The following PTH2R variants were observed in gnomAD, a reference collection of about 807,000 sequenced individuals.
The protein encoded by PTH2R is parathyroid hormone 2 receptor.
Under a neutral mutation model 60.3 loss-of-function variants are expected in PTH2R, and 59 were observed. The ratio of observed to expected loss-of-function variants is 0.98; its 90% CI spans 0.79 to 1.22. The LOEUF (loss-of-function observed/expected upper bound fraction) is 1.22, where lower values mean the gene tolerates loss of function less well. Ranked by LOEUF, PTH2R falls within the 50% of genes most tolerant of loss-of-function variation. PTH2R has a pLI of 0.00. For synonymous variants in PTH2R, 256 were observed against 243.8 expected (o/e 1.05, Z -0.47); for missense variants, 749 against 682.6 (o/e 1.10, Z -1.08).
intron 4 of PTH2R, 54 bp from the exon 5 acceptor site, chr2:208,442,310 C>A: frequency 7.9e-7 from 1 of 1,264,492 alleles, no homozygotes; most frequent in Non-Finnish European, 1.1e-6. Flanking sequence ...ATTTCTTTGC[C>A]AGTTTATTGG....
intron 4 of PTH2R, among the ~76,000 whole-genome samples, chr2:208,441,713 T>TG (rs1450403237): frequency 6.6e-6 from 1 of 152,192 alleles, no homozygotes; most frequent in Non-Finnish European, 1.5e-5. Flanking sequence ...GAGAACTTTG[T>TG]GTTGGTGAAA....
chr2:208,485,408 G>T (rs947824835), intron 10 of PTH2R, among the ~76,000 whole-genome samples: 2 of 152,166 alleles, frequency 1.3e-5, no homozygotes, highest in Non-Finnish European at 2.9e-5. Context: ...TTATTGGACA[G>T]CTGTGCATTT....
At chr2:208,475,479 A>G (rs1047179744) in intron 9 of PTH2R, among the ~76,000 whole-genome samples, 13 of 152,206 alleles carry the variant, frequency 8.5e-5, no homozygotes, top group African/African-American at 3.1e-4. Context: ...AGACTTTAGA[A>G]TTCATATGCT....
At chr2:208,407,679 T>C (rs964486091) in intron 1 of PTH2R, among the ~76,000 whole-genome samples, 2 of 152,202 alleles carry the variant, frequency 1.3e-5, no homozygotes, top group African/African-American at 4.8e-5. Context: ...ACTGCTAATA[T>C]CATTTAGAGA....
At chr2:208,477,707 A>C (rs1444920119) in intron 9 of PTH2R, among the ~76,000 whole-genome samples, 2 of 151,788 alleles carry the variant, frequency 1.3e-5, no homozygotes, top group Non-Finnish European at 2.9e-5. Context: ...TATTGGCTTT[A>C]ATGTTTATTA....
upstream of PTH2R, among the ~76,000 whole-genome samples, chr2:208,402,784 T>C (rs1701334109): frequency 6.6e-6 from 1 of 152,324 alleles, no homozygotes; most frequent in East Asian, 1.9e-4. Context: ...TGTAATTCTA[T>C]TGGGAACTTA....
intron 11 of PTH2R, 60 bp downstream of exon 11, chr2:208,489,210 C>A: frequency 6.2e-7 from 1 of 1,600,466 alleles, no homozygotes. Flanking sequence ...TCCTTTTGGT[C>A]ACTTACAACC....
chr2:208,402,362 T>C (rs566280526), upstream of PTH2R, among the ~76,000 whole-genome samples: 5 of 152,370 alleles, frequency 3.3e-5, no homozygotes, highest in Admixed American at 3.3e-4. Context: ...CTTTGTCATA[T>C]AAATTCTTTA....
At chr2:208,480,612 C>A (rs1028001498) in intron 9 of PTH2R, among the ~76,000 whole-genome samples, 1 of 152,088 alleles carries the variant, frequency 6.6e-6, no homozygotes, top group African/African-American at 2.4e-5. Context: ...TAAAAAAAAA[C>A]ACACACTTCA....
At chr2:208,418,016 T>C (rs979155656) in intron 1 of PTH2R, among the ~76,000 whole-genome samples, 3 of 152,156 alleles carry the variant, frequency 2.0e-5, no homozygotes, top group Non-Finnish European at 4.4e-5. Context: ...GAGAATTTAC[T>C]AGAAACTATT....
intron 1 of PTH2R, among the ~76,000 whole-genome samples, chr2:208,423,069 T>A (rs1001326681): frequency 6.6e-6 from 1 of 152,168 alleles, no homozygotes; most frequent in African/African-American, 2.4e-5. Flanking sequence ...TCTGCATTGT[T>A]TTTCTGTGTC....
At chr2:208,419,471 G>A (rs1468204195) in intron 1 of PTH2R, among the ~76,000 whole-genome samples, 2 of 152,174 alleles carry the variant, frequency 1.3e-5, no homozygotes, top group Non-Finnish European at 2.9e-5. Flanking sequence ...CATTCTGTAG[G>A]TTGCCTGTTT....
At chr2:208,379,768 G>A (rs1173728304) in intron 1 of PTH2R, among the ~76,000 whole-genome samples, 3 of 151,712 alleles carry the variant, frequency 2.0e-5, no homozygotes, top group Non-Finnish European at 4.4e-5. Context: ...GCTGAGGCAC[G>A]AGAATCACTT....
chr2:208,471,176 A>C (rs1041428909), intron 9 of PTH2R, among the ~76,000 whole-genome samples: 1 of 152,236 alleles, frequency 6.6e-6, no homozygotes, highest in Non-Finnish European at 1.5e-5. Context: ...GCAGCCTGAC[A>C]ATGCAATAAA....
At chr2:208,411,840 A>C (rs1701545483) in intron 1 of PTH2R, among the ~76,000 whole-genome samples, 1 of 152,216 alleles carries the variant, frequency 6.6e-6, no homozygotes, top group Admixed American at 6.5e-5. Flanking sequence ...AGTGACATCT[A>C]CTCATAGAAT....
At chr2:208,388,221 G>A (rs1266978779) in intron 1 of PTH2R, among the ~76,000 whole-genome samples, 1 of 151,878 alleles carries the variant, frequency 6.6e-6, no homozygotes, top group African/African-American at 2.4e-5. Flanking sequence ...GGAGGCTGAG[G>A]CAGGAGAATG....
chr2:208,467,576 A>G (rs920497346), intron 9 of PTH2R, among the ~76,000 whole-genome samples: 4 of 152,196 alleles, frequency 2.6e-5, no homozygotes, highest in African/African-American at 9.6e-5. Flanking sequence ...CACATGATTC[A>G]TCCTAACTTT....
intron 1 of PTH2R, among the ~76,000 whole-genome samples, chr2:208,374,203 C>T (rs1273901103): frequency 2.0e-5 from 3 of 151,858 alleles, no homozygotes; most frequent in African/African-American, 7.3e-5. Context: ...GAATATGCTG[C>T]CATTTCCGAT....
intron 8 of PTH2R, among the ~76,000 whole-genome samples, chr2:208,451,935 A>G (rs1206295043): frequency 1.3e-5 from 2 of 152,206 alleles, no homozygotes; most frequent in Non-Finnish European, 2.9e-5. Flanking sequence ...TCCTTTCTTT[A>G]TATTTTGACA....
Sources: allele counts gnomAD v4.1 joint callset (sites outside exome capture counted in the v4.1 genomes callset), GRCh38; gene constraint gnomAD v4.1.1; transcripts MANE v1.5; gene names NCBI Gene and HGNC (gene_info 2026-07-23, HGNC 2026-07-21).